PLXNA4: variants seen among roughly 807,000 people sequenced by gnomAD.
PLXNA4 encodes the protein plexin-A4.
PLXNA4 carries 44 observed loss-of-function variants against 191.8 expected under a neutral mutation model. That is an observed-to-expected ratio of 0.23 (90% CI 0.18 to 0.29). The LOEUF (loss-of-function observed/expected upper bound fraction) is 0.29. Among genes scored for constraint, PLXNA4 ranks in the 10% least tolerant of loss-of-function variants. The probability of loss-of-function intolerance (pLI) is 1.00; values close to 1 mark genes in which losing one functional copy is unlikely to be tolerated. For synonymous variants in PLXNA4, 1,082 were observed against 1,009.5 expected, an observed-to-expected ratio of 1.07 and a Z score of -1.36; for missense variants, 1,800 against 2,488.8, an observed-to-expected ratio of 0.72 and a Z score of 5.89.
At chr7:132,323,212 A>T (rs62466369) in intron 3 of PLXNA4, among the ~76,000 whole-genome samples, 12,117 of 152,198 alleles carry the variant, frequency 0.08, 713 homozygotes, top group Admixed American at 0.19. Flanking sequence ...GTACATGTGC[A>T]TTGCTGGGTG....
intron 1 of PLXNA4, among the ~76,000 whole-genome samples, chr7:132,646,247 G>A (rs898137155): frequency 2.0e-5 from 3 of 152,008 alleles, no homozygotes; most frequent in East Asian, 3.9e-4. Flanking sequence ...GGACTCTCTC[G>A]GGATGAGTCA....
intron 2 of PLXNA4, among the ~76,000 whole-genome samples, chr7:132,611,941 C>A (rs1381238535): frequency 6.6e-6 from 1 of 152,098 alleles, no homozygotes; most frequent in African/African-American, 2.4e-5. Context: ...GAGACCAAGG[C>A]TGCTGACTTT....
At chr7:132,208,350 C>T (rs1348082886) in intron 10 of PLXNA4, among the ~76,000 whole-genome samples, 6 of 152,238 alleles carry the variant, frequency 3.9e-5, no homozygotes, top group African/African-American at 2.4e-5. Context: ...GAGAAATCAC[C>T]TCTCCTACAA....
intron 4 of PLXNA4, among the ~76,000 whole-genome samples, chr7:132,297,796 G>A (rs887803779): frequency 7.9e-5 from 12 of 152,166 alleles, no homozygotes; most frequent in Middle Eastern, 3.2e-3. Context: ...GCATCTGTAC[G>A]ACGTTCCTTC....
chr7:132,343,771 G>A (rs1803131416), intron 3 of PLXNA4, among the ~76,000 whole-genome samples: 2 of 152,154 alleles, frequency 1.3e-5, no homozygotes, highest in Admixed American at 1.3e-4. Flanking sequence ...ACAAAACTTA[G>A]CTGGGCATGG....
chr7:132,562,970 C>T (rs1801338213), intron 1 of PLXNA4, among the ~76,000 whole-genome samples: 1 of 87,650 alleles, frequency 1.1e-5, no homozygotes, highest in Admixed American at 1.0e-4. Context: ...TCCTCCTCCT[C>T]TCCCTCCTCC....
chr7:132,359,788 C>T (rs997638619), intron 3 of PLXNA4, among the ~76,000 whole-genome samples: 54 of 152,080 alleles, frequency 3.6e-4, no homozygotes, highest in African/African-American at 1.3e-3. Context: ...ACTTCATTAT[C>T]TATATCTAGA....
chr7:132,156,877 A>C (rs914223299), intron 25 of PLXNA4, among the ~76,000 whole-genome samples: 6 of 152,174 alleles, frequency 3.9e-5, no homozygotes, highest in African/African-American at 1.4e-4. Context: ...TGGTAAGAAG[A>C]AGCCTAGAGC....
chr7:132,293,008 C>T (rs576796549), intron 4 of PLXNA4, among the ~76,000 whole-genome samples: 1 of 152,274 alleles, frequency 6.6e-6, no homozygotes, highest in African/African-American at 2.4e-5. Flanking sequence ...GAACAAAGGC[C>T]TGTTTGCTGG....
chr7:132,212,605 G>A (rs1016698831), intron 9 of PLXNA4, among the ~76,000 whole-genome samples: 1 of 152,206 alleles, frequency 6.6e-6, no homozygotes, highest in Non-Finnish European at 1.5e-5. Flanking sequence ...CCATGATTTG[G>A]AGTGGTTGTT....
At chr7:132,605,204 A>T (rs1802900984) in intron 2 of PLXNA4, among the ~76,000 whole-genome samples, 1 of 152,248 alleles carries the variant, frequency 6.6e-6, no homozygotes, top group Admixed American at 6.5e-5. Flanking sequence ...AAGGTCACAC[A>T]GTTAGGAAAC....
intron 3 of PLXNA4, among the ~76,000 whole-genome samples, chr7:132,425,913 G>A (rs1486281710): frequency 6.6e-6 from 1 of 152,168 alleles, no homozygotes; most frequent in African/African-American, 2.4e-5. Flanking sequence ...TGCAGCCCTC[G>A]GGCCTCCTGC....
At chr7:132,355,005 G>A (rs1803641749) in intron 3 of PLXNA4, among the ~76,000 whole-genome samples, 1 of 152,200 alleles carries the variant, frequency 6.6e-6, no homozygotes, top group South Asian at 2.1e-4. Flanking sequence ...TCTCCACGAT[G>A]GGAGGTCTTG....
At chr7:132,438,559 G>A (rs1795563361) in intron 3 of PLXNA4, among the ~76,000 whole-genome samples, 2 of 152,156 alleles carry the variant, frequency 1.3e-5, no homozygotes, top group Admixed American at 6.5e-5. Context: ...ATTCTAACTG[G>A]ATAATCTCAG....
At chr7:132,533,746 C>T (rs1275625718) in intron 1 of PLXNA4, among the ~76,000 whole-genome samples, 1 of 152,138 alleles carries the variant, frequency 6.6e-6, no homozygotes, top group Non-Finnish European at 1.5e-5. Context: ...GCTGCCAGCA[C>T]CCAGCCCTTC....
At chr7:132,569,053 C>A (rs896668256) in intron 1 of PLXNA4, among the ~76,000 whole-genome samples, 4 of 152,222 alleles carry the variant, frequency 2.6e-5, no homozygotes, top group Non-Finnish European at 5.9e-5. Context: ...GTATTCCCAA[C>A]CCCAAAGTGA....
At chr7:132,356,839 G>A (rs1273395296) in intron 3 of PLXNA4, among the ~76,000 whole-genome samples, 2 of 152,174 alleles carry the variant, frequency 1.3e-5, no homozygotes, top group African/African-American at 4.8e-5. Context: ...TCCTCTCCAT[G>A]GGTGGCTCTC....
chr7:132,497,500 C>T (rs568282974), intron 2 of PLXNA4, among the ~76,000 whole-genome samples: 37 of 152,262 alleles, frequency 2.4e-4, no homozygotes, highest in African/African-American at 8.9e-4. Context: ...CTCTAGTAGG[C>T]TTAGGTTTAG....
Position 132,126,674 on chromosome 7 carries a change from A to G in PLXNA4, c.*3805T>C, listed in dbSNP as rs945302859. 2.6e-5 allele frequency: 4 copies of G among 152,148 alleles called. No homozygotes were observed. The highest frequency in any genetic ancestry group is 9.7e-5 in the African/African-American group (4 of 41,410). The allele number at this position is 152,148 out of a possible 1,614,324, so 9.4% of individuals were successfully genotyped here. A position where few individuals can be genotyped will look rare whatever the true frequency, so the allele number is the denominator to read the frequency against. ...GAACAGTCCTGGACAGTCTGCCTCA[A>G]ACTTTGGGATTTATTTAAAATAACT... On this transcript the variant is annotated 3_prime_UTR_variant, in exon 32 of 32. Transcript: ENST00000321063.
Sources: gnomAD v4.1 joint callset for allele counts (sites outside exome capture counted in the v4.1 genomes callset) on GRCh38, gnomAD v4.1.1 for gene constraint, MANE v1.5 for transcripts, NCBI Gene and HGNC (gene_info 2026-07-23, HGNC 2026-07-21) for gene names.